Variants in AGO2 observed in about 807,000 individuals in gnomAD.
AGO2 encodes the protein argonaute RISC catalytic component 2, also known as protein argonaute-2.
Under a neutral mutation model 102.3 loss-of-function variants are expected in AGO2, and 5 were observed. The ratio of observed to expected loss-of-function variants is 0.05; its 90% CI spans 0.03 to 0.10. The LOEUF (loss-of-function observed/expected upper bound fraction) is 0.10. Ranked by LOEUF, AGO2 falls within the 10% of genes least tolerant of loss-of-function variation. The pLI is 1.00. For missense variants in AGO2, 541 were observed against 1,183.7 expected, an observed-to-expected ratio of 0.46 and a Z score of 7.97; for synonymous variants, 449 against 473.1, an observed-to-expected ratio of 0.95 and a Z score of 0.66.
intron 8 of AGO2, among the ~76,000 whole-genome samples, chr8:140,556,833 C>A (rs576490803): frequency 6.6e-6 from 1 of 152,266 alleles, no homozygotes; most frequent in East Asian, 1.9e-4. Flanking sequence ...CCTCGCGCTG[C>A]GGGGCCTGCT....
Position 140,525,966 on chromosome 8 carries a change from C to A in AGO2, c.*6078G>T, listed in dbSNP as rs2072498289. On this transcript the variant is annotated 3_prime_UTR_variant, in exon 19 of 19. Coordinates refer to ENST00000220592, the MANE Select transcript of AGO2 (RefSeq NM_012154.5). ...ACTAGTGGGAACTTCTACTTCAAAA[C>A]ACCAGCTGTGGGCCCTGTGTTCTTT... The A allele has an allele frequency of 1.3e-5, 2 of 152,212 alleles. No individual in the cohort carries two copies. The allele number at this position is 152,212 out of a possible 1,614,324, so 9.4% of individuals were successfully genotyped here.
chr8:140,619,925 C>T (rs192247478), intron 1 of AGO2, among the ~76,000 whole-genome samples: 1 of 152,314 alleles, frequency 6.6e-6, no homozygotes, highest in Admixed American at 6.5e-5. Context: ...TGTGTACACA[C>T]GCATGCTAGT....
At chr8:140,607,830 C>A (rs897268958) in intron 1 of AGO2, among the ~76,000 whole-genome samples, 5 of 152,030 alleles carry the variant, frequency 3.3e-5, no homozygotes, top group African/African-American at 1.2e-4. Context: ...CTGTTCCAGG[C>A]GATGGAAACG....
In AGO2 at chr8:140,521,363, A is replaced by G. The variant is rs1375953241; in HGVS notation, c.*10681T>C. The G allele has an allele frequency of 6.6e-6, 1 of 152,256 alleles. No individual in the cohort carries two copies. The highest frequency in any genetic ancestry group is 1.5e-5 in the Non-Finnish European group (1 of 68,046). 9.4% of individuals were successfully genotyped at this position (152,256 alleles called of 1,614,324 possible). A position where few individuals can be genotyped will look rare whatever the true frequency, so the allele number is the denominator to read the frequency against. On this transcript the variant is annotated 3_prime_UTR_variant, in exon 19 of 19. Transcript: ENST00000220592. ...TCTCTATTTTTGAGATCCTGCAGCA[A>G]AAAGCCTCCCAAATCAACTTTCAAA... is the stretch of plus-strand genomic sequence containing the variant.
intron 1 of AGO2, among the ~76,000 whole-genome samples, chr8:140,591,060 G>A (rs541412026): frequency 7.0e-4 from 107 of 152,360 alleles, no homozygotes; most frequent in Non-Finnish European, 1.2e-3. Context: ...AAGGAGGGAA[G>A]GAAGCTCTGG....
chr8:140,630,640 T>C (rs2074330747), intron 1 of AGO2, among the ~76,000 whole-genome samples: 1 of 152,262 alleles, frequency 6.6e-6, no homozygotes, highest in African/African-American at 2.4e-5. Context: ...CAGAGATATG[T>C]GAAAGAGGGA....
chr8:140,543,753 T>G (rs2072843078), intron 14 of AGO2, among the ~76,000 whole-genome samples: 1 of 152,230 alleles, frequency 6.6e-6, no homozygotes, highest in Non-Finnish European at 1.5e-5. Context: ...GAGGTCAACA[T>G]TTGTTTCCTC....
intron 17 of AGO2, among the ~76,000 whole-genome samples, chr8:140,533,532 T>C (rs568007524): frequency 1.1e-4 from 17 of 151,284 alleles, no homozygotes; most frequent in African/African-American, 4.1e-4. Flanking sequence ...TTAGGCCAGG[T>C]GCAGTGGATC....
At chr8:140,577,799 ACTC>A in intron 2 of AGO2, among the ~76,000 whole-genome samples, 1 of 151,976 alleles carries the variant, frequency 6.6e-6, no homozygotes, top group African/African-American at 2.4e-5. Context: ...TACTGGAGAC[ACTC>A]CTCTGGATGA....
At position 140,616,765 on chromosome 8, in the gene AGO2, G is replaced by C. The variant is rs544342936; in HGVS notation, c.22+18720C>G. ...GGCTCACAGAACAGGAGAGCCTCAG[G>C]GGGAGAGAGCTCACTGCCCCCACCT... is the stretch of plus-strand genomic sequence containing the variant. On this transcript the variant is annotated intron_variant, in intron 1 of 18. Transcript: ENST00000220592. Among the ~76,000 whole-genome samples the C allele has an allele frequency of 4.6e-5, 7 of 152,320 alleles. No homozygotes were observed. The South Asian group carries it at 1.2e-3, about 27-fold the overall frequency.
At chr8:140,625,030 C>A (rs1245983651) in intron 1 of AGO2, among the ~76,000 whole-genome samples, 1 of 152,154 alleles carries the variant, frequency 6.6e-6, no homozygotes, top group Non-Finnish European at 1.5e-5. Flanking sequence ...TCCACCCCAC[C>A]CTCTTGGTCT....
At chr8:140,600,777 G>A (rs183390198) in intron 1 of AGO2, among the ~76,000 whole-genome samples, 185 of 151,724 alleles carry the variant, frequency 1.2e-3, no homozygotes, top group Middle Eastern at 6.8e-3. Flanking sequence ...CTGGCGCCAC[G>A]TCCGTCCTAT....
rs1174517418 is a variant in AGO2 at position 140,589,184 on chromosome 8, A to G, written c.23-3873T>C. Among the ~76,000 whole-genome samples, 1 of 152,194 alleles carries G rather than the reference A, an allele frequency of 6.6e-6. No homozygotes were observed. Among genetic ancestry groups the G allele is most frequent in the African/African-American group, 2.4e-5 (1 of 41,448 alleles). On this transcript the variant is annotated intron_variant, in intron 1 of 18. Coordinates refer to ENST00000220592, the MANE Select transcript of AGO2 (RefSeq NM_012154.5). The surrounding 1 kb of genome is among the most constrained non-coding windows in gnomAD (Gnocchi z 4.2). ...GTGCCACCTGCCCTGAGGGCCATCTAAGTAAGGGACAGGGATGGGGGAAAG... is the reference window on the plus strand; with the variant it reads ...GTGCCACCTGCCCTGAGGGCCATCTGAGTAAGGGACAGGGATGGGGGAAAG...
chr8:140,606,305 C>G (rs544780052), intron 1 of AGO2, among the ~76,000 whole-genome samples: 10 of 152,354 alleles, frequency 6.6e-5, no homozygotes, highest in African/African-American at 2.4e-4. Context: ...GAGGCCCCAC[C>G]TACTGCGAGA....
At chr8:140,634,016 G>A (rs2152112579) in intron 1 of AGO2, among the ~76,000 whole-genome samples, 1 of 152,344 alleles carries the variant, frequency 6.6e-6, no homozygotes, top group Non-Finnish European at 1.5e-5. Flanking sequence ...AAGAGGAGCT[G>A]GAAGGTCCCA....
At chr8:140,566,907 G>A (rs537488340) in intron 3 of AGO2, among the ~76,000 whole-genome samples, 34 of 152,338 alleles carry the variant, frequency 2.2e-4, no homozygotes, top group Admixed American at 6.5e-4. Context: ...AGGTCACGGC[G>A]TGCAAGTGGA....
Position 140,568,421 on chromosome 8 carries a change from T to C in AGO2, c.336+4391A>G, listed in dbSNP as rs1211182774. On this transcript the variant is annotated intron_variant, in intron 3 of 18. Coordinates refer to ENST00000220592, the MANE Select transcript of AGO2 (RefSeq NM_012154.5). The stretch of plus-strand genomic sequence containing the variant: ...GCCCTGGCTGAGCCCACGGCCTCCC[T>C]GTCCACTGCTGCTGAGGAGGGAGCG... 2.6e-5 allele frequency among the ~76,000 whole-genome samples: 4 copies of C among 152,256 alleles called. No homozygotes were observed. The East Asian group carries it at 7.7e-4, about 29-fold the overall frequency.
At chr8:140,542,841 G>GA (rs1319042549) in intron 14 of AGO2, among the ~76,000 whole-genome samples, 1 of 152,228 alleles carries the variant, frequency 6.6e-6, no homozygotes, top group African/African-American at 2.4e-5. Context: ...GGAAAGGGCT[G>GA]AAAATGGCTC....
At chr8:140,610,314 G>C (rs189545384) in intron 1 of AGO2, among the ~76,000 whole-genome samples, 1 of 151,976 alleles carries the variant, frequency 6.6e-6, no homozygotes, top group Non-Finnish European at 1.5e-5. Flanking sequence ...TCTGCTTCCC[G>C]GGCTCAAGCA....
Sources: allele counts gnomAD v4.1 joint callset (sites outside exome capture counted in the v4.1 genomes callset), GRCh38; gene constraint gnomAD v4.1.1; non-coding constraint Gnocchi (gnomAD v3.1); transcripts MANE v1.5; gene names NCBI Gene and HGNC (gene_info 2026-07-23, HGNC 2026-07-21).